The following RUBCN variants were observed in gnomAD, a reference collection of about 807,000 sequenced individuals.
RUBCN encodes the protein run domain Beclin-1-interacting and cysteine-rich domain-containing protein.
RUBCN carries 74 observed loss-of-function variants against 113.2 expected under a neutral mutation model. The observed-to-expected ratio is 0.65, with a 90% CI of 0.54 to 0.79. The LOEUF (loss-of-function observed/expected upper bound fraction) is 0.79. Ranked by LOEUF, RUBCN falls within the 30% of genes least tolerant of loss-of-function variation. The pLI, the probability that RUBCN is intolerant of heterozygous loss-of-function variation, is 0.00. For synonymous variants in RUBCN, 480 were observed against 490.0 expected (o/e 0.98, Z 0.27); for missense variants, 1,109 against 1,251.7 (o/e 0.89, Z 1.72).
rs1232092949 is a variant in RUBCN at position 197,671,186 on chromosome 3, T to C, written c.*3832A>G. 2.0e-5 allele frequency among the ~76,000 whole-genome samples: 3 copies of C among 152,126 alleles called. No individual in the cohort carries two copies. Among genetic ancestry groups the C allele is most frequent in the Admixed American group, 1.3e-4 (2 of 15,270 alleles). On this transcript the variant is annotated 3_prime_UTR_variant, in exon 20 of 20. Coordinates refer to ENST00000296343, the MANE Select transcript of RUBCN (RefSeq NM_014687.4). The stretch of plus-strand genomic sequence containing the variant: ...CATGCCACCATGCCTGGCTAATTTT[T>C]ATATTTTTGTAGAGATGAGGTTTTG...
At chr3:197,733,119 G>A (rs1237579093) in intron 1 of RUBCN, among the ~76,000 whole-genome samples, 2 of 152,126 alleles carry the variant, frequency 1.3e-5, no homozygotes, top group African/African-American at 2.4e-5. Flanking sequence ...GCTTATTCAC[G>A]TTTCATTATA....
chr3:197,731,235 G>A (rs1284446788), intron 1 of RUBCN, among the ~76,000 whole-genome samples: 2 of 152,064 alleles, frequency 1.3e-5, no homozygotes, highest in Non-Finnish European at 2.9e-5. Context: ...GTTTAACAAA[G>A]CACATCTTGC....
intron 1 of RUBCN, among the ~76,000 whole-genome samples, chr3:197,731,837 C>T (rs985872559): frequency 2.0e-5 from 3 of 151,280 alleles, no homozygotes; most frequent in African/African-American, 7.3e-5. Flanking sequence ...GGCGGCTGGC[C>T]GGGCAGAGTG....
In RUBCN at chr3:197,675,276, C is replaced by T; in HGVS notation, c.2741-80G>A. The T allele has an allele frequency of 6.4e-7, 1 of 1,574,514 alleles. No individual in the cohort carries two copies. The highest frequency in any genetic ancestry group is 8.7e-7 in the Non-Finnish European group (1 of 1,144,946). On this transcript the variant is annotated intron_variant, in intron 19 of 19. Transcript: ENST00000296343. The surrounding 1 kb of genome is among the most constrained non-coding windows in gnomAD (Gnocchi z 4.4). ...CTAGAGGTCAGTTGCTGCCACAGCC[C>T]CTTCTCGCCACCAAGGCGTGGTGTC...
At position 197,669,605 on chromosome 3, in the gene RUBCN, G is replaced by A. The variant is rs1466931635; in HGVS notation, c.*5413C>T. Reference sequence around the variant, plus strand: ...TAACGTTGATTACTTGGTTAAGGTCGTGTTAGCTCTCTCTACTCTAAAGTT... The same window carrying A: ...TAACGTTGATTACTTGGTTAAGGTCATGTTAGCTCTCTCTACTCTAAAGTT... On this transcript the variant is annotated 3_prime_UTR_variant, in exon 20 of 20. Transcript: ENST00000296343. 1.3e-5 allele frequency among the ~76,000 whole-genome samples: 2 copies of A among 152,134 alleles called. No individual in the cohort carries two copies. Among genetic ancestry groups the A allele is most frequent in the African/African-American group, 4.8e-5 (2 of 41,402 alleles).
At chr3:197,702,357 C>G (rs1723772976) in intron 5 of RUBCN, among the ~76,000 whole-genome samples, 1 of 152,172 alleles carries the variant, frequency 6.6e-6, no homozygotes, top group Non-Finnish European at 1.5e-5. Context: ...GGATAGTAAC[C>G]AACAATCAAA....
chr3:197,701,011 G>A lies in RUBCN; in HGVS notation c.863C>T (p.Pro288Leu), dbSNP rs775365989. 3 of 1,614,214 alleles carry A rather than the reference G, an allele frequency of 1.9e-6. No individual in the cohort carries two copies. The highest frequency in any genetic ancestry group is 2.2e-5 in the South Asian group (2 of 91,086). ...GGAGCTCATTTCATTTGGGGTCAAAGGGGAATCCCTGGCTAGTGCAGAGAC... is the reference window on the plus strand; with the variant it reads ...GGAGCTCATTTCATTTGGGGTCAAAAGGGAATCCCTGGCTAGTGCAGAGAC... ...VSVSALARDS[P>L]LTPNEMSSST... The change falls in exon 7 of 20, where the codon CCT becomes CTT. Residue 288 changes from proline (P) to leucine (L), a missense_variant. Around this residue, in one of 3 missense-constraint regions of RUBCN, gnomAD observed 736 missense variants for 779.6 expected, o/e 0.94. Transcript: ENST00000296343.
Position 197,736,885 on chromosome 3 carries a change from G to A in RUBCN, c.-166C>T. On this transcript the variant is annotated 5_prime_UTR_variant, in exon 1 of 20. Transcript: ENST00000296343. ...AGCGGGAGGGACCGCCGCCTGGGCT[G>A]CGGCTTCTATCCCGGCCACCCCCAC... 2.2e-6 allele frequency: 3 copies of A among 1,372,006 alleles called. No homozygotes were observed. Among genetic ancestry groups the A allele is most frequent in the South Asian group, 3.4e-5 (2 of 59,530 alleles). The allele number at this position is 1,372,006 out of a possible 1,614,324, so 85.0% of individuals were successfully genotyped here. A position where few individuals can be genotyped will look rare whatever the true frequency, so the allele number is the denominator to read the frequency against.
At chr3:197,703,397 CAAAA>C (rs1165064210) in intron 5 of RUBCN, 147 bp downstream of exon 5, 2,821 of 152,968 alleles carry the variant, frequency 0.018, no homozygotes, top group Middle Eastern at 0.032. Flanking sequence ...GACTCTGTCT[CAAAA>C]AAAAAAAAAA....
At chr3:197,748,464 A>G (rs1728853877) in intron 1 of RUBCN, 4 of 151,804 alleles carry the variant, frequency 2.6e-5, no homozygotes, top group African/African-American at 9.7e-5. Context: ...GATAAAAAAA[A>G]AGAGACATCT....
chr3:197,749,479 G>C, exon 1 of RUBCN: 5 of 1,279,656 alleles, frequency 3.9e-6, no homozygotes, highest in Non-Finnish European at 5.1e-6. Context: ...CAGGGAGGGG[G>C]GAGCTGGGAT....
In RUBCN at chr3:197,704,596, C is replaced by T; in HGVS notation, c.409G>A (p.Ala137Thr). The T allele has an allele frequency of 6.2e-7, 1 of 1,614,206 alleles. No homozygotes were observed. Among genetic ancestry groups the T allele is most frequent in the Non-Finnish European group, 8.5e-7 (1 of 1,180,036 alleles). ...TCCCCGAGCAGGGGCCGGAGCTGGG[C>T]TGAGAGGCAGTGGTACTGCAGGCTG... ...QHSLQYHCLS[A>T]QLRPLLGDRQ... is the part of the protein sequence containing the mutation. The change falls in exon 4 of 20, where the codon GCC becomes ACC. Residue 137 changes from alanine (A) to threonine (T), a missense_variant. Physicochemically the swap from Ala to Thr is moderately conservative, Grantham distance 58. This residue lies in a region of RUBCN where 736 missense variants were observed against 779.6 expected (regional missense o/e 0.94). Coordinates refer to ENST00000296343, the MANE Select transcript of RUBCN (RefSeq NM_014687.4).
At chr3:197,676,657 C>G in intron 18 of RUBCN, 2 of 1,410,518 alleles carry the variant, frequency 1.4e-6, no homozygotes, top group Non-Finnish European at 1.8e-6. Flanking sequence ...CCGGAGCTAC[C>G]CAGGACCACA....
chr3:197,729,242 T>C (rs1470371954), intron 1 of RUBCN, among the ~76,000 whole-genome samples: 1 of 149,384 alleles, frequency 6.7e-6, no homozygotes, highest in African/African-American at 2.5e-5. Flanking sequence ...TGCTTTTGTT[T>C]TTTTTGTTTT....
At chr3:197,720,784 G>A (rs1315809192) in intron 1 of RUBCN, among the ~76,000 whole-genome samples, 1 of 152,064 alleles carries the variant, frequency 6.6e-6, no homozygotes, top group Non-Finnish European at 1.5e-5. Flanking sequence ...TGCAGGTATC[G>A]CTTTGATACA....
upstream of RUBCN, among the ~76,000 whole-genome samples, chr3:197,741,882 G>A (rs1038830905): frequency 6.6e-6 from 1 of 151,450 alleles, no homozygotes; most frequent in Non-Finnish European, 1.5e-5. Flanking sequence ...AGCCACGAAC[G>A]GTGGATAAAA....
chr3:197,677,397 A>C (rs1720560037), intron 17 of RUBCN, 83 bp downstream of exon 17: 1 of 1,173,378 alleles, frequency 8.5e-7, no homozygotes, highest in Non-Finnish European at 1.3e-6. Context: ...CTCCTTCGTT[A>C]CATAACAAGA....
chr3:197,732,724 C>T lies in RUBCN; in HGVS notation c.65+3931G>A, dbSNP rs148954594. On this transcript the variant is annotated intron_variant, in intron 1 of 19. Transcript: ENST00000296343. ...GCATCTGGCTGGAGTGATAGCTAGA[C>T]GGAAAACAATAGGGAAGCCCATCAC... Among the ~76,000 whole-genome samples, 5 of 152,270 alleles carry T rather than the reference C, an allele frequency of 3.3e-5. 1 individual carries two copies. In the East Asian group the frequency reaches 5.8e-4, roughly 18 times the overall value.
chr3:197,675,061 G>C lies in RUBCN; in HGVS notation c.2876C>G (p.Ala959Gly), dbSNP rs756632615. The C allele has an allele frequency of 3.7e-6, 6 of 1,613,216 alleles. No individual in the cohort carries two copies. The highest frequency in any genetic ancestry group is 3.4e-6 in the Non-Finnish European group (4 of 1,179,924). ...SYLSDYEEEPAEALALEAAVL... is the reference protein window; with the variant it reads ...SYLSDYEEEPGEALALEAAVL... ...GGCGGCTTCCAGGGCCAGCGCTTCC[G>C]CGGGCTCCTCCTCGTAGTCTGACAG... The change falls in exon 20 of 20, where the codon GCG becomes GGG. Residue 959 changes from alanine (A) to glycine (G), a missense_variant. This residue lies in a region of RUBCN where 306 missense variants were observed against 348.9 expected (regional missense o/e 0.88). Coordinates refer to ENST00000296343, the MANE Select transcript of RUBCN (RefSeq NM_014687.4). The surrounding 1 kb of genome is among the most constrained non-coding windows in gnomAD (Gnocchi z 4.4).
Sources: allele counts gnomAD v4.1 joint callset (sites outside exome capture counted in the v4.1 genomes callset), GRCh38; gene constraint gnomAD v4.1.1; regional missense constraint gnomAD v4.1.1; non-coding constraint Gnocchi (gnomAD v3.1); transcripts MANE v1.5; gene names NCBI Gene and HGNC (gene_info 2026-07-23, HGNC 2026-07-21).